OTUD7B: variants seen among roughly 807,000 people sequenced by gnomAD.
OTUD7B encodes OTU domain-containing protein 7B.
Under a neutral mutation model 82.2 loss-of-function variants are expected in OTUD7B, and 34 were observed. That is an observed-to-expected ratio of 0.41 (90% confidence interval 0.31 to 0.55). OTUD7B has a LOEUF of 0.55. OTUD7B is among the 20% of genes least tolerant of loss of function. The pLI is 0.20. For synonymous variants in OTUD7B, 398 were observed against 402.7 expected (o/e 0.99, Z 0.14); for missense variants, 944 against 1,062.1 (o/e 0.89, Z 1.55).
rs781951290 is a variant in OTUD7B, at chr1:149,944,266, C to G, written c.2123G>C (p.Cys708Ser). The stretch of plus-strand genomic sequence containing the variant: ...TGCCAACTGCCTCCGGGGTTCCTGG[C>G]AGTGGACTCCGCCCCCAGACGGCCG... Reference protein sequence around the residue: ...IPRPSGGGVHCQEPRRQLAGG... With the variant: ...IPRPSGGGVHSQEPRRQLAGG... The change falls in exon 12 of 12, where the codon TGC (cysteine) becomes TCC (serine). Residue 708 changes from cysteine to serine, a missense_variant. Around this residue, in one of 3 missense-constraint regions of OTUD7B, gnomAD observed 412 missense variants for 418.7 expected, o/e 0.98. Coordinates refer to ENST00000581312, the MANE Select transcript of OTUD7B (RefSeq NM_020205.4). 1.2e-6 allele frequency: 2 copies of G among 1,610,720 alleles called. No homozygotes were observed. The highest frequency in any genetic ancestry group is 2.2e-5 in the South Asian group (2 of 90,660).
chr1:149,953,449 A>G (rs1427002246), intron 7 of OTUD7B, among the ~76,000 whole-genome samples: 2 of 152,200 alleles, frequency 1.3e-5, no homozygotes, highest in African/African-American at 4.8e-5. Flanking sequence ...TGGTTACTGC[A>G]GCCTTGTAGT....
chr1:149,956,655 T>C (rs1648698141), intron 7 of OTUD7B, among the ~76,000 whole-genome samples: 1 of 152,216 alleles, frequency 6.6e-6, no homozygotes, highest in Admixed American at 6.5e-5. Flanking sequence ...ATTCTCCCCG[T>C]CACTTTCAGG....
At chr1:150,014,507 A>G (rs587746649), upstream of OTUD7B, among the ~76,000 whole-genome samples, 1 of 152,186 alleles carries the variant, frequency 6.6e-6, no homozygotes, top group Admixed American at 6.5e-5. Flanking sequence ...GAAATGAAAT[A>G]TATGTGTACA....
intron 1 of OTUD7B, among the ~76,000 whole-genome samples, chr1:149,992,467 G>GTTTTTT (rs1166098299): frequency 0.014 from 835 of 61,558 alleles, 270 homozygotes; most frequent in Non-Finnish European, 0.017. Context: ...GTGTGCATGT[G>GTTTTTT]TTTTTTTTTT....
In OTUD7B at chr1:149,947,139, T is replaced by C. The variant is rs1571588718; in HGVS notation, c.1323+112A>G. 8 of 590,754 alleles carry C rather than the reference T, an allele frequency of 1.4e-5. No individual in the cohort carries two copies. In the Admixed American group the frequency reaches 2.2e-4, roughly 16 times the overall value. 36.6% of individuals were successfully genotyped at this position (590,754 alleles called of 1,614,324 possible). Reference sequence around the variant, plus strand: ...TCTTCTAGTTACTTCTAACCTTGAATTGTAAGCCACCACTCAGAATAGATT... The same window carrying C: ...TCTTCTAGTTACTTCTAACCTTGAACTGTAAGCCACCACTCAGAATAGATT... On this transcript the variant is annotated intron_variant, in intron 11 of 11. Coordinates refer to ENST00000581312, the MANE Select transcript of OTUD7B (RefSeq NM_020205.4).
the OTUD7B span, chr1:150,054,147 C>T: frequency 2.8e-6 from 1 of 353,012 alleles, no homozygotes; most frequent in South Asian, 2.9e-5. Flanking sequence ...ACAAAACCAG[C>T]TGGTGGTGGC....
At chr1:150,008,543 T>G (rs1553786643) in intron 1 of OTUD7B, among the ~76,000 whole-genome samples, 1 of 152,246 alleles carries the variant, frequency 6.6e-6, no homozygotes, top group Admixed American at 6.5e-5. Context: ...AGCCAGCTCT[T>G]GCTTTGGCAA....
chr1:149,953,694 T>A (rs2101762181), intron 7 of OTUD7B, among the ~76,000 whole-genome samples: 3 of 152,330 alleles, frequency 2.0e-5, no homozygotes, highest in African/African-American at 7.2e-5. Flanking sequence ...GAAATGTTCT[T>A]CCATTTGTTT....
chr1:149,970,208 T>C (rs1199746690), intron 3 of OTUD7B, among the ~76,000 whole-genome samples: 1 of 54,582 alleles, frequency 1.8e-5, no homozygotes. Context: ...GTCAGATGGA[T>C]TGCCTCAAGA....
chr1:150,058,301 G>A, the OTUD7B span, among the ~76,000 whole-genome samples: 1 of 152,124 alleles, frequency 6.6e-6, no homozygotes, highest in Non-Finnish European at 1.5e-5. Flanking sequence ...GAGTCCAGGA[G>A]TTCGAGATCA....
At chr1:150,050,787 CTCTG>C in the OTUD7B span, among the ~76,000 whole-genome samples, 1 of 152,030 alleles carries the variant, frequency 6.6e-6, no homozygotes, top group African/African-American at 2.4e-5. Flanking sequence ...CAAGGGCGCC[CTCTG>C]TCTGAGTGCT....
intron 2 of OTUD7B, 52 bp downstream of exon 2, chr1:149,977,374 T>TACAC: frequency 7.7e-7 from 1 of 1,303,458 alleles, no homozygotes; most frequent in South Asian, 1.2e-5. Flanking sequence ...ATCCTAATGA[T>TACAC]AAATACCACA....
In OTUD7B at chr1:149,967,417, G is replaced by T. The variant is rs781926290; in HGVS notation, c.379C>A (p.Pro127Thr). Residue 127 changes from proline to threonine, a missense_variant, in exon 4 of 12, where the codon CCC becomes ACC. Physicochemically the swap from Pro to Thr is conservative, Grantham distance 38. This residue lies in a region of OTUD7B where 530 missense variants were observed against 625.6 expected (regional missense o/e 0.85). Transcript: ENST00000581312. ...AAGGCACAGATGGGCATTTCCAGGG[G>T]GTGCTCATTGCTCCCCCCACCCCCA... ...NGGGGGSNEH[P>T]LEMPICAFQL... 5 of 1,614,120 alleles carry T rather than the reference G, an allele frequency of 3.1e-6. 1 individual carries two copies. In the South Asian group the frequency reaches 5.5e-5, roughly 18 times the overall value.
the OTUD7B span, among the ~76,000 whole-genome samples, chr1:150,063,326 C>T: frequency 6.6e-6 from 1 of 152,114 alleles, no homozygotes; most frequent in Non-Finnish European, 1.5e-5. Context: ...TGGCGGGCAC[C>T]TGTAGTGCCA....
chr1:150,064,480 T>C, the OTUD7B span, among the ~76,000 whole-genome samples: 105 of 152,216 alleles, frequency 6.9e-4, 2 homozygotes, highest in African/African-American at 2.3e-3. Context: ...CAAGCAATCC[T>C]ACCGCACGCT....
At chr1:150,006,834 T>C (rs1445738700) in intron 1 of OTUD7B, among the ~76,000 whole-genome samples, 6 of 152,252 alleles carry the variant, frequency 3.9e-5, no homozygotes, top group Non-Finnish European at 8.8e-5. Flanking sequence ...AGGAATCTTA[T>C]GCCTCCTGGC....
chr1:150,050,848 A>G, the OTUD7B span, among the ~76,000 whole-genome samples: 1 of 152,046 alleles, frequency 6.6e-6, no homozygotes, highest in Non-Finnish European at 1.5e-5. Flanking sequence ...ACATGCTTTC[A>G]AGTAAATTCT....
the OTUD7B span, among the ~76,000 whole-genome samples, chr1:150,055,837 A>G: frequency 0.022 from 3,339 of 152,284 alleles, 113 homozygotes; most frequent in African/African-American, 0.074. Flanking sequence ...AAATGATGAG[A>G]ACTAATGAAC....
chr1:150,025,350 G>A, the OTUD7B span, among the ~76,000 whole-genome samples: 1 of 152,052 alleles, frequency 6.6e-6, no homozygotes, highest in African/African-American at 2.4e-5. Context: ...AGGAGGCGGA[G>A]GTTGCAGTGA....
Sources: gnomAD v4.1 joint callset for allele counts (sites outside exome capture counted in the v4.1 genomes callset) on GRCh38, gnomAD v4.1.1 for gene constraint, gnomAD v4.1.1 regional missense constraint, MANE v1.5 for transcripts, NCBI Gene and HGNC (gene_info 2026-07-23, HGNC 2026-07-21) for gene names.